Variants in PSTPIP1 observed in about 807,000 individuals in gnomAD.
The protein encoded by PSTPIP1 is proline-serine-threonine phosphatase-interacting protein 1.
PSTPIP1 carries 66 observed loss-of-function variants against 69.6 expected under a neutral mutation model. The observed-to-expected ratio is 0.95, with a 90% CI of 0.78 to 1.16. The LOEUF (loss-of-function observed/expected upper bound fraction) is 1.16, where lower values mean the gene tolerates loss of function less well. Among genes scored for constraint, PSTPIP1 ranks in the 50% most tolerant of loss-of-function variants. The probability of loss-of-function intolerance (pLI) is 0.00; values close to 1 mark genes in which losing one functional copy is unlikely to be tolerated. For missense variants in PSTPIP1, 603 were observed against 557.4 expected (o/e 1.08, Z -0.82); for synonymous variants, 266 against 222.7 (o/e 1.19, Z -1.73).
chr15:77,034,391 C>T (rs2076503612), intron 12 of PSTPIP1, among the ~76,000 whole-genome samples: 1 of 152,184 alleles, frequency 6.6e-6, no homozygotes, highest in East Asian at 1.9e-4. Context: ...CATGTCCACC[C>T]TGCGCATGTG....
At chr15:77,035,685 A>C (rs2076545763) in intron 13 of PSTPIP1, 117 bp from the exon 14 acceptor site, 18 of 1,473,632 alleles carry the variant, frequency 1.2e-5, no homozygotes, top group Non-Finnish European at 1.6e-5. Flanking sequence ...CCCAACAGCA[A>C]GTGTGGACAG....
intron 1 of PSTPIP1, among the ~76,000 whole-genome samples, chr15:77,012,152 TCC>T (rs2075951804): frequency 7.2e-5 from 4 of 55,828 alleles, no homozygotes; most frequent in South Asian, 1.2e-3. Flanking sequence ...CATCCATCCA[TCC>T]ATCCACCCAC....
intron 1 of PSTPIP1, among the ~76,000 whole-genome samples, chr15:76,995,900 G>C (rs2152659211): frequency 6.6e-6 from 1 of 152,316 alleles, no homozygotes; most frequent in Non-Finnish European, 1.5e-5. Flanking sequence ...ACATGGGTGG[G>C]GGCTTGAGGA....
At position 76,995,277 on chromosome 15, in the gene PSTPIP1, C is replaced by T. The variant is rs1013316422; in HGVS notation, c.-297C>T. ...GGTCCCAGACTGTGTCCTCCATCAC[C>T]GCAGGGTCGGTGAGGGGCTGGGCTG... On this transcript the variant is annotated 5_prime_UTR_variant, in exon 1 of 15. Coordinates refer to ENST00000558012, the MANE Select transcript of PSTPIP1 (RefSeq NM_003978.5). 9.8e-6 allele frequency: 13 copies of T among 1,327,582 alleles called. No individual in the cohort carries two copies. In the South Asian group the frequency reaches 1.3e-4, roughly 13 times the overall value. The allele number at this position is 1,327,582 out of a possible 1,614,324, so 82.2% of individuals were successfully genotyped here.
At chr15:77,031,489 AGAT>A (rs1250521377) in intron 10 of PSTPIP1, 4 of 479,226 alleles carry the variant, frequency 8.3e-6, no homozygotes, top group African/African-American at 2.0e-5. Flanking sequence ...TCTGCCTGGA[AGAT>A]GATGACTCTG....
At position 77,027,215 on chromosome 15, in the gene PSTPIP1, A is replaced by G. The variant is rs949479691; in HGVS notation, c.355-637A>G. 3.3e-5 allele frequency among the ~76,000 whole-genome samples: 5 copies of G among 151,938 alleles called. No homozygotes were observed. The highest frequency in any genetic ancestry group is 4.4e-5 in the Non-Finnish European group (3 of 67,962). Reference sequence around the variant, plus strand: ...CACAAACTGGCTCAGTTCTCCTCCTACCTCATAACCCAGTCGCTGTCCTGG... The same window carrying G: ...CACAAACTGGCTCAGTTCTCCTCCTGCCTCATAACCCAGTCGCTGTCCTGG... On this transcript the variant is annotated intron_variant, in intron 5 of 14. Transcript: ENST00000558012. The surrounding 1 kb of genome is among the most constrained non-coding windows in gnomAD (Gnocchi z 4.3).
chr15:77,036,535 G>A (rs1012259071), intron 14 of PSTPIP1, among the ~76,000 whole-genome samples: 1 of 152,148 alleles, frequency 6.6e-6, no homozygotes, highest in Non-Finnish European at 1.5e-5. Context: ...AGAATGCATA[G>A]CCAGACCTCA....
chr15:77,009,602 A>G (rs1179601913), intron 1 of PSTPIP1, among the ~76,000 whole-genome samples: 3 of 152,112 alleles, frequency 2.0e-5, no homozygotes, highest in Admixed American at 2.0e-4. Context: ...ACATGCATGA[A>G]TCCCCTCGGC....
At position 77,032,253 on chromosome 15, in the gene PSTPIP1, G is replaced by A. The variant is rs199551920; in HGVS notation, c.742-45G>A. 3.2e-6 allele frequency: 5 copies of A among 1,581,668 alleles called. No individual in the cohort carries two copies. In the African/African-American group the frequency reaches 4.0e-5, roughly 13 times the overall value. ...GGTCAGAGTTCAGGCCCACAGAGGGGCAGAGTGGGCATCGGGCTGCGGCCT... is the reference window on the plus strand; with the variant it reads ...GGTCAGAGTTCAGGCCCACAGAGGGACAGAGTGGGCATCGGGCTGCGGCCT... On this transcript the variant is annotated intron_variant, in intron 10 of 14. Transcript: ENST00000558012.
rs1289718402 is a variant in PSTPIP1, at chr15:77,032,915, A to G, written c.892A>G (p.Ser298Gly). ...YDREVTPLTS[S>G]PGIQPSCGMI... ...TCGGGAGGTCACCCCGCTGACCAGC[A>G]GCCCTGGCATACAGCCGTCCTGCGG... The change falls in exon 12 of 15, where the codon AGC (serine) becomes GGC (glycine). Residue 298 changes from serine to glycine, a missense_variant. Transcript: ENST00000558012. 1 of 1,605,748 alleles carries G rather than the reference A, an allele frequency of 6.2e-7. No homozygotes were observed. The highest frequency in any genetic ancestry group is 1.1e-5 in the South Asian group (1 of 89,660).
intron 1 of PSTPIP1, chr15:77,008,055 G>A (rs2075853658): frequency 2.2e-6 from 1 of 456,460 alleles, no homozygotes; most frequent in African/African-American, 2.0e-5. Context: ...GAACAGCTGA[G>A]GATGGTTCAG....
chr15:77,024,836 C>G (rs1437764809), intron 3 of PSTPIP1, among the ~76,000 whole-genome samples: 1 of 152,038 alleles, frequency 6.6e-6, no homozygotes, highest in African/African-American at 2.4e-5. Flanking sequence ...TCCAAACATC[C>G]CCCGGGCCAC....
In PSTPIP1 at chr15:77,009,488, A is replaced by G. The variant is rs146700856; in HGVS notation, c.37-8660A>G. 3.2e-3 allele frequency among the ~76,000 whole-genome samples: 485 copies of G among 152,258 alleles called. 7 individuals are homozygous for G. The highest frequency in any genetic ancestry group is 1.7e-3 in the Non-Finnish European group (118 of 68,020). Reference sequence around the variant, plus strand: ...ATTCTCCCCAATTTACAGATGAAAAAATTGAGGCCAGAGAGTGGGAGCCAC... The same window carrying G: ...ATTCTCCCCAATTTACAGATGAAAAGATTGAGGCCAGAGAGTGGGAGCCAC... On this transcript the variant is annotated intron_variant, in intron 1 of 14. Transcript: ENST00000558012.
In PSTPIP1 at chr15:77,030,716, C is replaced by A. The variant is rs1249350862; in HGVS notation, c.642+135C>A. 3.3e-6 allele frequency: 3 copies of A among 915,810 alleles called. No individual in the cohort carries two copies. The South Asian group carries it at 5.6e-5, about 17-fold the overall frequency. 56.7% of individuals were successfully genotyped at this position (915,810 alleles called of 1,614,324 possible). Reference sequence around the variant, plus strand: ...GTTACTCACTCGTTTATTCAGCCTCCTGCTCACAGGCCTGTGCTGGGCCCT... The same window carrying A: ...GTTACTCACTCGTTTATTCAGCCTCATGCTCACAGGCCTGTGCTGGGCCCT... On this transcript the variant is annotated intron_variant, in intron 9 of 14. Transcript: ENST00000558012.
At chr15:77,035,426 C>T (rs992070791) in intron 12 of PSTPIP1, 82 bp from the exon 13 acceptor site, 1 of 1,419,524 alleles carries the variant, frequency 7.0e-7, no homozygotes, top group African/African-American at 1.4e-5. Flanking sequence ...GCTCTGAGAC[C>T]TCTCCCTGTC....
chr15:77,027,060 C>G lies in PSTPIP1; in HGVS notation c.355-792C>G, dbSNP rs2076296773. On this transcript the variant is annotated intron_variant, in intron 5 of 14. Transcript: ENST00000558012. The surrounding 1 kb of genome is among the most constrained non-coding windows in gnomAD (Gnocchi z 4.3). Reference sequence around the variant, plus strand: ...ATGGTGCACACGTGCCTACGCTCCCCTGCATATGCCTGTGAGCATGTGTCC... The same window carrying G: ...ATGGTGCACACGTGCCTACGCTCCCGTGCATATGCCTGTGAGCATGTGTCC... 6.6e-6 allele frequency among the ~76,000 whole-genome samples: 1 copy of G among 152,244 alleles called. No homozygotes were observed. The highest frequency in any genetic ancestry group is 2.4e-5 in the African/African-American group (1 of 41,462).
chr15:77,033,052 C>T lies in PSTPIP1; in HGVS notation c.929+100C>T, dbSNP rs1490959381. The T allele has an allele frequency of 5.9e-6, 7 of 1,193,658 alleles. No homozygotes were observed. The East Asian group carries it at 1.8e-4, about 31-fold the overall frequency. 73.9% of individuals were successfully genotyped at this position (1,193,658 alleles called of 1,614,324 possible). A position where few individuals can be genotyped will look rare whatever the true frequency, so the allele number is the denominator to read the frequency against. ...CCCTTCCTCGTTCACTGAGCACCTA[C>T]TATGTGTCTGTATCTGGTGCCCAGT... is the stretch of plus-strand genomic sequence containing the variant. On this transcript the variant is annotated intron_variant, in intron 12 of 14. Coordinates refer to ENST00000558012, the MANE Select transcript of PSTPIP1 (RefSeq NM_003978.5).
chr15:77,028,595 C>T lies in PSTPIP1; in HGVS notation c.459C>T (p.Asp153=). Reference sequence around the variant, plus strand: ...AGCAGAAGTGCCGGGACGCGGACGACGCGGAGCAGGCCTTCGAGCGCATTA... The same window carrying T: ...AGCAGAAGTGCCGGGACGCGGACGATGCGGAGCAGGCCTTCGAGCGCATTA... ...TYEQKCRDAD[D]AEQAFERISA... The change falls in exon 7 of 15, where the codon GAC becomes GAT. Residue 153 remains aspartate, a synonymous_variant. Coordinates refer to ENST00000558012, the MANE Select transcript of PSTPIP1 (RefSeq NM_003978.5). 1 of 1,603,170 alleles carries T rather than the reference C, an allele frequency of 6.2e-7. No homozygotes were observed. The highest frequency in any genetic ancestry group is 1.7e-5 in the Admixed American group (1 of 58,504).
chr15:76,999,023 C>T (rs549108440), intron 1 of PSTPIP1, among the ~76,000 whole-genome samples: 9 of 152,258 alleles, frequency 5.9e-5, no homozygotes, highest in East Asian at 1.9e-4. Flanking sequence ...GCTGTCTGAG[C>T]GGAGAGGGCA....
Sources: gnomAD v4.1 joint callset for allele counts (sites outside exome capture counted in the v4.1 genomes callset) on GRCh38, gnomAD v4.1.1 for gene constraint, Gnocchi (gnomAD v3.1) non-coding constraint, MANE v1.5 for transcripts, NCBI Gene and HGNC (gene_info 2026-07-23, HGNC 2026-07-21) for gene names.